Variants in BFSP1 observed in about 807,000 individuals in gnomAD.
BFSP1 encodes filensin.
A neutral mutation model predicts 43.9 loss-of-function variants in BFSP1; 38 were observed. The observed-to-expected ratio is 0.87, with a 90% CI of 0.67 to 1.14. The LOEUF (loss-of-function observed/expected upper bound fraction) is 1.14. Among genes scored for constraint, BFSP1 ranks in the 50% most tolerant of loss-of-function variants. The pLI, the probability that BFSP1 is intolerant of heterozygous loss-of-function variation, is 0.00. For synonymous variants in BFSP1, 352 were observed against 354.8 expected, an observed-to-expected ratio of 0.99 and a Z score of 0.09; for missense variants, 850 against 875.1, an observed-to-expected ratio of 0.97 and a Z score of 0.36.
chr20:17,515,974 C>T (rs897411555), intron 2 of BFSP1, among the ~76,000 whole-genome samples: 53 of 152,196 alleles, frequency 3.5e-4, no homozygotes, highest in African/African-American at 1.3e-3. Flanking sequence ...TGTAGGGACA[C>T]TCCCCACCCT....
intron 2 of BFSP1, among the ~76,000 whole-genome samples, chr20:17,518,782 A>C (rs1342744862): frequency 6.6e-6 from 1 of 152,154 alleles, no homozygotes; most frequent in Non-Finnish European, 1.5e-5. Context: ...GGAGTCAAGG[A>C]CCTGTCCTCA....
rs960516862 is a variant in BFSP1, at chr20:17,566,351, A to T, written n.50+2820T>A. ...CCTGCCGCTTATATTAATGGTTTTA[A>T]ATTCAAGTGCCTATATGTTCACAGA... On this transcript the variant is annotated intron_variant and non_coding_transcript_variant, in intron 1 of 6. Transcript: ENST00000473415. Among the ~76,000 whole-genome samples, 13 of 152,176 alleles carry T rather than the reference A, an allele frequency of 8.5e-5. 1 individual carries two copies. Among genetic ancestry groups the T allele is most frequent in the African/African-American group, 3.1e-4 (13 of 41,442 alleles).
chr20:17,493,990 C>A lies in BFSP1; in HGVS notation c.*84G>T. 1 of 1,290,496 alleles carries A rather than the reference C, an allele frequency of 7.7e-7. No individual in the cohort carries two copies. The highest frequency in any genetic ancestry group is 1.1e-6 in the Non-Finnish European group (1 of 928,290). The allele number at this position is 1,290,496 out of a possible 1,614,324, so 79.9% of individuals were successfully genotyped here. A position where few individuals can be genotyped will look rare whatever the true frequency, so the allele number is the denominator to read the frequency against. ...GGTCTAATCCAAACAGGAACCCTCA[C>A]CCTTTTATCATTTGCTCTAAAATAT... On this transcript the variant is annotated 3_prime_UTR_variant, in exon 8 of 8. Transcript: ENST00000377873.
intron 5 of BFSP1, among the ~76,000 whole-genome samples, chr20:17,500,436 G>A (rs1206857273): frequency 2.0e-5 from 3 of 152,150 alleles, no homozygotes; most frequent in South Asian, 2.1e-4. Context: ...TGTGACAACC[G>A]CAGCCATCCT....
intron 5 of BFSP1, among the ~76,000 whole-genome samples, chr20:17,505,514 C>T (rs769587724): frequency 1.5e-4 from 23 of 152,252 alleles, no homozygotes; most frequent in Non-Finnish European, 2.8e-4. Flanking sequence ...GACGCTCTCT[C>T]TCGGCCCGCC....
At chr20:17,520,222 C>T (rs1345872202) in intron 2 of BFSP1, among the ~76,000 whole-genome samples, 3 of 149,960 alleles carry the variant, frequency 2.0e-5, no homozygotes, top group African/African-American at 4.9e-5. Context: ...CCCCCCACCC[C>T]GCCCACCTTT....
chr20:17,521,647 C>T (rs543030068), intron 2 of BFSP1, among the ~76,000 whole-genome samples: 14 of 152,158 alleles, frequency 9.2e-5, no homozygotes, highest in Non-Finnish European at 1.8e-4. Flanking sequence ...ACAAAAAGGT[C>T]CAGTGTTCAC....
At chr20:17,512,287 C>T (rs1328828884) in intron 3 of BFSP1, among the ~76,000 whole-genome samples, 1 of 152,170 alleles carries the variant, frequency 6.6e-6, no homozygotes, top group Non-Finnish European at 1.5e-5. Context: ...CCTCAGTCTC[C>T]TTTAATCTTC....
intron 5 of BFSP1, among the ~76,000 whole-genome samples, chr20:17,505,580 T>C (rs1206096266): frequency 6.6e-6 from 1 of 152,240 alleles, no homozygotes. Context: ...CGGCCACATC[T>C]TCCTTCAGCT....
At chr20:17,496,603 G>A (rs958848089) in intron 7 of BFSP1, among the ~76,000 whole-genome samples, 3 of 152,186 alleles carry the variant, frequency 2.0e-5, no homozygotes, top group Admixed American at 6.5e-5. Context: ...TGAATATTGA[G>A]TTGTACTTTT....
At chr20:17,519,255 G>A (rs1446246306) in intron 2 of BFSP1, among the ~76,000 whole-genome samples, 2 of 152,166 alleles carry the variant, frequency 1.3e-5, no homozygotes, top group Non-Finnish European at 2.9e-5. Flanking sequence ...GAACCCTGGG[G>A]TCACTGGTCC....
chr20:17,507,272 G>GGTGTGTGTGTGTGTGTGTGT lies in BFSP1; in HGVS notation c.735+1597_735+1616dup, dbSNP rs373485156. Among the ~76,000 whole-genome samples, 1 of 141,226 alleles carries GGTGTGTGTGTGTGTGTGTGT rather than the reference G, an allele frequency of 7.1e-6. No individual in the cohort carries two copies. The highest frequency in any genetic ancestry group is 7.1e-5 in the Admixed American group (1 of 14,030). 92.6% of individuals were successfully genotyped at this position (141,226 alleles called of 152,430 possible). ...GCGAGCCATACACATCAGATAGGTA[G>GGTGTGTGTGTGTGTGTGTGT]GTGTGTGTGTGTGTGTGTGTGTGTG... is the stretch of plus-strand genomic sequence containing the variant. On this transcript the variant is annotated intron_variant, in intron 5 of 7. Coordinates refer to ENST00000377873, the MANE Select transcript of BFSP1 (RefSeq NM_001195.5). This position sits in a 1 kb window ranked among gnomAD's most constrained non-coding sequence, Gnocchi z 4.4.
At chr20:17,533,825 C>T (rs1192752193), upstream of BFSP1, among the ~76,000 whole-genome samples, 1 of 152,120 alleles carries the variant, frequency 6.6e-6, no homozygotes, top group African/African-American at 2.4e-5. Flanking sequence ...CAATTTAATC[C>T]AGTGAAATAA....
chr20:17,556,481 A>G (rs1294853356), intron 1 of BFSP1, among the ~76,000 whole-genome samples: 1 of 152,214 alleles, frequency 6.6e-6, no homozygotes, highest in East Asian at 1.9e-4. Flanking sequence ...CTTGGGTGAC[A>G]GACTGACAGC....
upstream of BFSP1, among the ~76,000 whole-genome samples, chr20:17,535,261 T>A (rs2034608071): frequency 1.3e-5 from 2 of 152,142 alleles, no homozygotes; most frequent in Admixed American, 6.5e-5. Context: ...CTGGGCACGG[T>A]GGCTCACGCC....
intron 7 of BFSP1, among the ~76,000 whole-genome samples, chr20:17,495,854 G>A (rs572721014): frequency 6.6e-6 from 1 of 152,138 alleles, no homozygotes; most frequent in Non-Finnish European, 1.5e-5. Flanking sequence ...GTAACCACAG[G>A]GCAAGACCGA....
intron 1 of BFSP1, among the ~76,000 whole-genome samples, chr20:17,567,553 GGATCTTTATTAAGATTT>G (rs1284466410): frequency 1.3e-5 from 2 of 152,110 alleles, no homozygotes; most frequent in African/African-American, 4.8e-5. Flanking sequence ...CAGGTGATTT[GGATCTTTATTAAGATTT>G]GAGAGGTGGC....
chr20:17,531,133 G>T lies in BFSP1; in HGVS notation c.197C>A (p.Ala66Asp). The T allele has an allele frequency of 1.5e-6, 2 of 1,330,340 alleles. No individual in the cohort carries two copies. The highest frequency in any genetic ancestry group is 1.9e-6 in the Non-Finnish European group (2 of 1,043,502). 82.4% of individuals were successfully genotyped at this position (1,330,340 alleles called of 1,614,324 possible). ...QRARALEQRHAGLRRQLDAFQ... is the reference protein window; with the variant it reads ...QRARALEQRHDGLRRQLDAFQ... ...GGCATCCAGCTGCCTCCGGAGCCCG[G>T]CATGGCGCTGCTCGAGGGCGCGGGC... Residue 66 changes from alanine to aspartate, a missense_variant, in exon 1 of 8, where the codon GCC (alanine) becomes GAC (aspartate). Transcript: ENST00000377873.
At chr20:17,527,043 C>A (rs991002601) in intron 1 of BFSP1, among the ~76,000 whole-genome samples, 1 of 152,150 alleles carries the variant, frequency 6.6e-6, no homozygotes, top group Admixed American at 6.5e-5. Flanking sequence ...GAAAACCACA[C>A]CACCATGTTC....
Sources: gnomAD v4.1 joint callset for allele counts (sites outside exome capture counted in the v4.1 genomes callset) on GRCh38, gnomAD v4.1.1 for gene constraint, Gnocchi (gnomAD v3.1) non-coding constraint, MANE v1.5 for transcripts, NCBI Gene and HGNC (gene_info 2026-07-23, HGNC 2026-07-21) for gene names.